PLD5: variants seen among roughly 807,000 people sequenced by gnomAD.
PLD5 encodes phospholipase D family member 5, also known as inactive phospholipase D5.
PLD5 carries 36 observed loss-of-function variants against 61.1 expected under a neutral mutation model. The observed-to-expected ratio is 0.59, with a 90% CI of 0.45 to 0.78. The LOEUF is 0.78. PLD5 is among the 30% of genes least tolerant of loss of function. PLD5 has a pLI of 0.00. For missense variants in PLD5, 515 were observed against 644.4 expected (o/e 0.80, Z 2.17); for synonymous variants, 243 against 242.8 (o/e 1.00, Z -0.01).
intron 5 of PLD5, among the ~76,000 whole-genome samples, chr1:242,168,391 G>A (rs1468250817): frequency 6.6e-6 from 1 of 152,164 alleles, no homozygotes; most frequent in East Asian, 1.9e-4. Context: ...GTGGTGAGAT[G>A]ACAAAAATGT....
At chr1:242,394,375 TA>T (rs1663245606) in intron 1 of PLD5, among the ~76,000 whole-genome samples, 3 of 103,062 alleles carry the variant, frequency 2.9e-5, no homozygotes, top group Non-Finnish European at 5.8e-5. Context: ...TATGAGTATA[TA>T]TGTGTGTATA....
intron 5 of PLD5, among the ~76,000 whole-genome samples, chr1:242,154,971 G>C (rs1235817097): frequency 6.6e-6 from 1 of 152,028 alleles, no homozygotes; most frequent in Non-Finnish European, 1.5e-5. Context: ...AATCCATCTG[G>C]TCCTGGACAT....
chr1:242,348,083 A>G, intron 2 of PLD5, 23 bp downstream of exon 2: 3 of 1,610,566 alleles, frequency 1.9e-6, no homozygotes, highest in Non-Finnish European at 2.5e-6. Flanking sequence ...CCTAAAAGAG[A>G]ATTTTTGTTT....
intron 4 of PLD5, among the ~76,000 whole-genome samples, chr1:242,248,985 T>A (rs1672549156): frequency 6.6e-6 from 1 of 152,024 alleles, no homozygotes; most frequent in Non-Finnish European, 1.5e-5. Context: ...TCACCTCTAA[T>A]AAAAATACAA....
At chr1:242,263,805 C>A (rs1246197731) in intron 4 of PLD5, among the ~76,000 whole-genome samples, 2 of 152,142 alleles carry the variant, frequency 1.3e-5, no homozygotes, top group Admixed American at 6.5e-5. Flanking sequence ...GTAAACCAGG[C>A]CTTTATTCGT....
intron 9 of PLD5, among the ~76,000 whole-genome samples, chr1:242,095,311 C>A (rs1027139115): frequency 6.6e-6 from 1 of 152,186 alleles, no homozygotes; most frequent in Non-Finnish European, 1.5e-5. Flanking sequence ...TGGCTTACTG[C>A]AGCCTCTGTC....
chr1:242,521,200 A>G (rs72765083), intron 1 of PLD5, among the ~76,000 whole-genome samples: 3,554 of 152,306 alleles, frequency 0.023, 53 homozygotes, highest in South Asian at 0.056. Context: ...ATTTCTTAGT[A>G]AGTGTTCATC....
chr1:242,189,445 CAAAAAAAAAAA>C (rs58476673), intron 5 of PLD5, among the ~76,000 whole-genome samples: 6 of 70,438 alleles, frequency 8.5e-5, no homozygotes, highest in African/African-American at 2.7e-4. Context: ...GACTCCATCT[CAAAAAAAAAAA>C]AAAAAAAAAA....
In PLD5 at chr1:242,403,125, G is replaced by C. The variant is rs149178537; in HGVS notation, c.190-54883C>G. Among the ~76,000 whole-genome samples, 290 of 152,312 alleles carry C rather than the reference G, an allele frequency of 1.9e-3. 1 individual carries two copies. The highest frequency in any genetic ancestry group is 1.3e-3 in the African/African-American group (54 of 41,582). On this transcript the variant is annotated intron_variant, in intron 1 of 9. Coordinates refer to ENST00000536534, the MANE Select transcript of PLD5 (RefSeq NM_001372062.1). Reference sequence around the variant, plus strand: ...GATGCTTAATCATCCCTTTCGGTGAGGCGGTGCCTTTGGCATGGTTCCGTA... The same window carrying C: ...GATGCTTAATCATCCCTTTCGGTGACGCGGTGCCTTTGGCATGGTTCCGTA...
chr1:242,263,411 A>C (rs1673482426), intron 4 of PLD5, among the ~76,000 whole-genome samples: 1 of 151,828 alleles, frequency 6.6e-6, no homozygotes, highest in Non-Finnish European at 1.5e-5. Flanking sequence ...GATTTAAAAT[A>C]GTCTCATAAA....
At chr1:242,156,740 TC>T (rs1409662635) in intron 5 of PLD5, among the ~76,000 whole-genome samples, 1 of 152,222 alleles carries the variant, frequency 6.6e-6, no homozygotes, top group Non-Finnish European at 1.5e-5. Context: ...CTGATGGGCT[TC>T]CCTTTGTGGG....
intron 1 of PLD5, among the ~76,000 whole-genome samples, chr1:242,488,797 C>T (rs538333375): frequency 3.9e-4 from 60 of 152,150 alleles, no homozygotes; most frequent in Non-Finnish European, 3.4e-4. Context: ...CACACTAATG[C>T]AAGATATTAA....
chr1:242,220,003 C>A lies in PLD5; in HGVS notation c.720G>T (p.Trp240Cys). 1 of 1,614,000 alleles carries A rather than the reference C, an allele frequency of 6.2e-7. No homozygotes were observed. The highest frequency in any genetic ancestry group is 8.5e-7 in the Non-Finnish European group (1 of 1,179,894). Residue 240 changes from tryptophan to cysteine, a missense_variant, in exon 5 of 10, where the codon TGG (tryptophan) becomes TGT (cysteine). Physicochemically the swap from Trp to Cys is radical, Grantham distance 215. Transcript: ENST00000536534. ...HVYIGSAGLD[W>C]QSLGQMKELG... ...GAAAGCTTACCTGTCCCAGGGATTG[C>A]CAGTCCAAACCGGCACTGCCGATAT...
intron 1 of PLD5, among the ~76,000 whole-genome samples, chr1:242,380,152 A>G (rs770713985): frequency 1.2e-4 from 18 of 152,204 alleles, no homozygotes; most frequent in Non-Finnish European, 2.4e-4. Flanking sequence ...ATTTAGGGAA[A>G]TTCTTCACTT....
At chr1:242,362,528 C>T (rs1661125735) in intron 1 of PLD5, among the ~76,000 whole-genome samples, 1 of 152,112 alleles carries the variant, frequency 6.6e-6, no homozygotes, top group Non-Finnish European at 1.5e-5. Context: ...ATTCCTGGCC[C>T]TATAGGCCTT....
chr1:242,527,515 A>G (rs1198514204), upstream of PLD5, among the ~76,000 whole-genome samples: 2 of 152,234 alleles, frequency 1.3e-5, no homozygotes, highest in African/African-American at 4.8e-5. Context: ...TAATTAATTC[A>G]TAGATCACAT....
At chr1:242,241,889 A>ATATATATATATATATATACTTACTG (rs1672042982) in intron 4 of PLD5, among the ~76,000 whole-genome samples, 1 of 34,898 alleles carries the variant, frequency 2.9e-5, no homozygotes, top group African/African-American at 1.0e-4. Flanking sequence ...ATATATATAT[A>ATATATATATATATATATACTTACTG]TATATATATA....
intron 5 of PLD5, among the ~76,000 whole-genome samples, chr1:242,131,864 T>G (rs1325208618): frequency 6.9e-6 from 1 of 144,836 alleles, no homozygotes; most frequent in African/African-American, 2.6e-5. Context: ...AGATGGAGTC[T>G]CATTCTGTCA....
intron 1 of PLD5, among the ~76,000 whole-genome samples, chr1:242,348,749 G>A (rs183835181): frequency 6.6e-6 from 1 of 152,196 alleles, no homozygotes; most frequent in African/African-American, 2.4e-5. Context: ...TACATTTTAG[G>A]GAGACATAAA....
Sources: allele counts gnomAD v4.1 joint callset (sites outside exome capture counted in the v4.1 genomes callset), GRCh38; gene constraint gnomAD v4.1.1; transcripts MANE v1.5; gene names NCBI Gene and HGNC (gene_info 2026-07-23, HGNC 2026-07-21).